DYM: variants seen among roughly 807,000 people sequenced by gnomAD.
DYM encodes the protein dymeclin.
DYM carries 78 observed loss-of-function variants against 93.1 expected under a neutral mutation model. The observed-to-expected ratio is 0.84, with a 90% CI of 0.70 to 1.01. The LOEUF is 1.01. DYM is among the 50% of genes least tolerant of loss of function. The pLI is 0.00. For synonymous variants in DYM, 321 were observed against 319.7 expected, an observed-to-expected ratio of 1.00 and a Z score of -0.04; for missense variants, 789 against 845.0, an observed-to-expected ratio of 0.93 and a Z score of 0.82.
intron 8 of DYM, among the ~76,000 whole-genome samples, chr18:49,292,125 T>C (rs2060151175): frequency 6.6e-6 from 1 of 152,114 alleles, no homozygotes; most frequent in Non-Finnish European, 1.5e-5. Context: ...CTAGTAGAAA[T>C]GAGTTGACTA....
intron 17 of DYM, among the ~76,000 whole-genome samples, chr18:49,059,995 G>A (rs533763823): frequency 3.9e-4 from 60 of 152,072 alleles, no homozygotes; most frequent in Non-Finnish European, 8.1e-4. Flanking sequence ...ATAGGGTGAC[G>A]TTTTGTACCA....
At chr18:49,361,226 ACT>A (rs1317092855) in intron 6 of DYM, among the ~76,000 whole-genome samples, 1 of 151,916 alleles carries the variant, frequency 6.6e-6, no homozygotes, top group African/African-American at 2.4e-5. Context: ...CTAGGCAATG[ACT>A]CTTCAGCTGC....
chr18:49,300,688 A>T (rs768464694), intron 8 of DYM, among the ~76,000 whole-genome samples: 1 of 152,180 alleles, frequency 6.6e-6, no homozygotes, highest in South Asian at 2.1e-4. Context: ...CTACTTGTGA[A>T]GCAGTAAATA....
intron 17 of DYM, among the ~76,000 whole-genome samples, chr18:49,064,171 T>C (rs777200592): frequency 1.8e-4 from 28 of 152,350 alleles, no homozygotes; most frequent in Non-Finnish European, 3.5e-4. Context: ...ATGAAACTGA[T>C]AGTCTAATCA....
At chr18:49,454,029 G>A (rs1791154609) in intron 1 of DYM, among the ~76,000 whole-genome samples, 1 of 152,200 alleles carries the variant, frequency 6.6e-6, no homozygotes, top group African/African-American at 2.4e-5. Flanking sequence ...AATAGCAACA[G>A]AATCAAACTC....
At chr18:49,293,161 T>C (rs547459319) in intron 8 of DYM, among the ~76,000 whole-genome samples, 1 of 152,270 alleles carries the variant, frequency 6.6e-6, no homozygotes, top group South Asian at 2.1e-4. Flanking sequence ...TGAATTCATC[T>C]TTTTTATGGC....
chr18:49,313,693 C>T (rs1453319604), intron 8 of DYM, among the ~76,000 whole-genome samples: 2 of 152,076 alleles, frequency 1.3e-5, no homozygotes, highest in Non-Finnish European at 2.9e-5. Flanking sequence ...AATAAACTTG[C>T]TTTCACTTTA....
chr18:49,243,163 G>A (rs1052690212), intron 13 of DYM, among the ~76,000 whole-genome samples: 1 of 152,136 alleles, frequency 6.6e-6, no homozygotes, highest in African/African-American at 2.4e-5. Flanking sequence ...ACACTCAGGT[G>A]AGCGGGCTGC....
At chr18:49,063,370 ATAAGTTATATTTTG>A (rs1289815503) in intron 17 of DYM, among the ~76,000 whole-genome samples, 1 of 151,522 alleles carries the variant, frequency 6.6e-6, no homozygotes, top group Non-Finnish European at 1.5e-5. Flanking sequence ...ACCTTGGGAA[ATAAGTTATATTTTG>A]TAAATAGATA....
At chr18:49,136,224 G>A (rs1290842310) in intron 15 of DYM, among the ~76,000 whole-genome samples, 2 of 152,156 alleles carry the variant, frequency 1.3e-5, no homozygotes, top group East Asian at 3.8e-4. Flanking sequence ...AAAGTCCTTA[G>A]AGTGTAATGA....
intron 8 of DYM, among the ~76,000 whole-genome samples, chr18:49,328,537 G>C (rs561481719): frequency 1.3e-5 from 2 of 152,206 alleles, no homozygotes; most frequent in South Asian, 4.1e-4. Flanking sequence ...CTACTCATCT[G>C]ACAAAGGGCT....
At chr18:49,455,704 C>A (rs989248852) in intron 1 of DYM, among the ~76,000 whole-genome samples, 2 of 152,118 alleles carry the variant, frequency 1.3e-5, no homozygotes, top group African/African-American at 2.4e-5. Context: ...GTAATCCCAG[C>A]ACTTTGGGAG....
At chr18:49,180,791 C>T (rs1346715800) in intron 14 of DYM, among the ~76,000 whole-genome samples, 2 of 152,072 alleles carry the variant, frequency 1.3e-5, no homozygotes, top group Non-Finnish European at 2.9e-5. Context: ...TTTCCTTATA[C>T]TTGGTGATAA....
intron 6 of DYM, among the ~76,000 whole-genome samples, chr18:49,351,579 G>A (rs757851816): frequency 1.3e-5 from 2 of 148,762 alleles, no homozygotes; most frequent in South Asian, 2.1e-4. Flanking sequence ...ATCTTCCACC[G>A]AGGAAAAGAA....
chr18:49,341,348 C>T (rs374830859), intron 6 of DYM, among the ~76,000 whole-genome samples: 1 of 151,844 alleles, frequency 6.6e-6, no homozygotes, highest in African/African-American at 2.4e-5. Flanking sequence ...AAAAATTAGC[C>T]GGGCATGGTG....
chr18:49,206,136 C>G (rs965256818), intron 14 of DYM, among the ~76,000 whole-genome samples: 4 of 151,584 alleles, frequency 2.6e-5, no homozygotes, highest in African/African-American at 9.7e-5. Context: ...GTAGCTGGGA[C>G]TACAAGCGTG....
intron 2 of DYM, among the ~76,000 whole-genome samples, chr18:49,396,868 A>G (rs531566903): frequency 2.6e-4 from 39 of 152,350 alleles, no homozygotes; most frequent in African/African-American, 8.9e-4. Flanking sequence ...TAAAAAGTTG[A>G]TCCCATAGAG....
chr18:49,294,383 T>C (rs1215674013), intron 8 of DYM, among the ~76,000 whole-genome samples: 2 of 152,218 alleles, frequency 1.3e-5, no homozygotes, highest in Non-Finnish European at 2.9e-5. Context: ...GGGGATGGCA[T>C]TGAAACTATA....
intron 1 of DYM, among the ~76,000 whole-genome samples, chr18:49,432,350 A>C (rs1366379436): frequency 2.7e-5 from 4 of 147,596 alleles, no homozygotes; most frequent in Admixed American, 2.0e-4. Context: ...AAAAAAAAAG[A>C]AAGAAAGAAA....
Sources: allele counts gnomAD v4.1 joint callset (sites outside exome capture counted in the v4.1 genomes callset), GRCh38; gene constraint gnomAD v4.1.1; transcripts MANE v1.5; gene names NCBI Gene and HGNC (gene_info 2026-07-23, HGNC 2026-07-21).